Variants in GRIN2A observed in about 807,000 individuals in gnomAD.
The protein encoded by GRIN2A is glutamate receptor ionotropic, NMDA 2A.
GRIN2A carries 22 observed loss-of-function variants against 113.4 expected under a neutral mutation model. That is an observed-to-expected ratio of 0.19 (90% confidence interval 0.14 to 0.28). GRIN2A has a LOEUF of 0.28. GRIN2A is among the 10% of genes least tolerant of loss of function. The pLI is 1.00. For synonymous variants in GRIN2A, 827 were observed against 738.4 expected, an observed-to-expected ratio of 1.12 and a Z score of -1.94; for missense variants, 1,502 against 1,887.0, an observed-to-expected ratio of 0.80 and a Z score of 3.78.
At chr16:10,143,879 T>C (rs2049378263) in intron 2 of GRIN2A, among the ~76,000 whole-genome samples, 1 of 152,062 alleles carries the variant, frequency 6.6e-6, no homozygotes, top group Admixed American at 6.6e-5. Context: ...GGCAGGAGGA[T>C]TGCTTGAGCT....
chr16:9,851,282 A>C (rs35082360), intron 4 of GRIN2A, among the ~76,000 whole-genome samples: 41,612 of 152,096 alleles, frequency 0.27, 5,885 homozygotes, highest in African/African-American at 0.3. Context: ...TTGCTGATAC[A>C]TTTCTTTTTA....
chr16:9,943,334 G>A (rs1004020120), intron 2 of GRIN2A: 2 of 152,242 alleles, frequency 1.3e-5, no homozygotes, highest in Non-Finnish European at 2.9e-5. Flanking sequence ...AACACAGAGC[G>A]AGGGAGGCAG....
At chr16:10,168,431 C>CT (rs35261369) in intron 2 of GRIN2A, among the ~76,000 whole-genome samples, 15 of 152,066 alleles carry the variant, frequency 9.9e-5, no homozygotes, top group Non-Finnish European at 1.3e-4. Flanking sequence ...GCTTGGAGAT[C>CT]TTTTTTTAAA....
chr16:9,793,485 T>A (rs949595610), intron 11 of GRIN2A, among the ~76,000 whole-genome samples: 2 of 152,034 alleles, frequency 1.3e-5, no homozygotes, highest in East Asian at 3.9e-4. Context: ...ATTCTTTAAG[T>A]CCAAGGCTTA....
chr16:9,820,444 G>A (rs139472478), intron 10 of GRIN2A, among the ~76,000 whole-genome samples: 33 of 152,232 alleles, frequency 2.2e-4, no homozygotes, highest in African/African-American at 7.2e-4. Flanking sequence ...TGCAGTCTTC[G>A]GTGTATACCA....
chr16:9,879,600 T>G lies in GRIN2A; in HGVS notation c.1122+11386A>C, dbSNP rs183002875. ...GGCCCTTAAAAAATTTCCCAGATTC[T>G]TGACAATCACCATTTTCCTTTTAAA... is the stretch of plus-strand genomic sequence containing the variant. On this transcript the variant is annotated intron_variant, in intron 4 of 12. Transcript: ENST00000330684. 2.6e-5 allele frequency among the ~76,000 whole-genome samples: 4 copies of G among 152,260 alleles called. No individual in the cohort carries two copies. The East Asian group carries it at 7.7e-4, about 29-fold the overall frequency.
intron 2 of GRIN2A, among the ~76,000 whole-genome samples, chr16:10,174,874 T>C (rs1102972): frequency 0.58 from 87,724 of 150,526 alleles, 26,111 homozygotes; most frequent in Non-Finnish European, 0.65. Flanking sequence ...GGAGAATTGA[T>C]TGAGAAATTA....
intron 2 of GRIN2A, among the ~76,000 whole-genome samples, chr16:10,113,153 T>G (rs2142154074): frequency 6.6e-6 from 1 of 152,112 alleles, no homozygotes; most frequent in Non-Finnish European, 1.5e-5. Context: ...GCCTCAGGTC[T>G]TTCTTGCTGC....
intron 2 of GRIN2A, among the ~76,000 whole-genome samples, chr16:10,122,351 T>G (rs1040663481): frequency 6.6e-6 from 1 of 152,180 alleles, no homozygotes; most frequent in Non-Finnish European, 1.5e-5. Flanking sequence ...GTGAACTCTC[T>G]TTCAGGAGGC....
At chr16:10,047,799 C>T (rs1215473640) in intron 2 of GRIN2A, among the ~76,000 whole-genome samples, 1 of 152,140 alleles carries the variant, frequency 6.6e-6, no homozygotes, top group Non-Finnish European at 1.5e-5. Flanking sequence ...AGTATAAATA[C>T]CTCAGCTCCT....
chr16:9,821,276 A>C (rs1040485786), intron 10 of GRIN2A, among the ~76,000 whole-genome samples: 2 of 152,186 alleles, frequency 1.3e-5, no homozygotes, highest in African/African-American at 4.8e-5. Flanking sequence ...TGTCATTTAA[A>C]ATAAAATCAT....
intron 2 of GRIN2A, among the ~76,000 whole-genome samples, chr16:10,133,470 G>GGTGC (rs1304885169): frequency 1.3e-5 from 2 of 152,284 alleles, no homozygotes; most frequent in East Asian, 3.9e-4. Context: ...AGCCAGGCAC[G>GGTGC]GTGCTGTGCA....
chr16:9,912,164 G>A (rs1378674684), intron 3 of GRIN2A, among the ~76,000 whole-genome samples: 1 of 152,032 alleles, frequency 6.6e-6, no homozygotes, highest in African/African-American at 2.4e-5. Context: ...GGAGAAGGAA[G>A]AAGAAGAATG....
chr16:9,764,526 C>G lies in GRIN2A; in HGVS notation c.3018G>C (p.Ala1006=), dbSNP rs761132463. Residue 1006 remains alanine (A), a synonymous_variant, in exon 13 of 13, where the codon GCG becomes GCC. Coordinates refer to ENST00000330684, the MANE Select transcript of GRIN2A (RefSeq NM_001134407.3). The stretch of plus-strand genomic sequence containing the variant: ...TCCACAGCTGCCGGGGTCTAGAGTT[C>G]GCTTTGGATTCTGTGCTCACGGCCA... ...VEVAVSTESK[A]NSRPRQLWKK... is the part of the protein sequence containing the mutation. 6.2e-7 allele frequency: 1 copy of G among 1,613,968 alleles called. No individual in the cohort carries two copies. The highest frequency in any genetic ancestry group is 2.2e-5 in the East Asian group (1 of 44,856).
chr16:10,174,557 C>T (rs188354695), intron 2 of GRIN2A, among the ~76,000 whole-genome samples: 135 of 152,134 alleles, frequency 8.9e-4, no homozygotes, highest in East Asian at 2.1e-3. Flanking sequence ...ATTTTTTAAT[C>T]TTTGAAGGGA....
At chr16:9,811,464 A>G (rs2042085338) in intron 10 of GRIN2A, among the ~76,000 whole-genome samples, 1 of 152,212 alleles carries the variant, frequency 6.6e-6, no homozygotes, top group African/African-American at 2.4e-5. Flanking sequence ...TCAGCAAGCA[A>G]TAACAAGAGG....
At chr16:9,815,349 T>G (rs2042165779) in intron 10 of GRIN2A, among the ~76,000 whole-genome samples, 1 of 150,706 alleles carries the variant, frequency 6.6e-6, no homozygotes, top group Non-Finnish European at 1.5e-5. Flanking sequence ...TATTTGCAAA[T>G]TGTATATCTG....
chr16:9,757,904 G>A lies in GRIN2A; in HGVS notation c.*5245C>T, dbSNP rs1223227429. On this transcript the variant is annotated 3_prime_UTR_variant, in exon 13 of 13. Transcript: ENST00000330684. The stretch of plus-strand genomic sequence containing the variant: ...AAAAACAAAACAAAACAAAAACCAG[G>A]GCAGCCTTATGGGGATCTCTGGCTC... 1 of 224,870 alleles carries A rather than the reference G, an allele frequency of 4.4e-6. No individual in the cohort carries two copies. The highest frequency in any genetic ancestry group is 8.9e-6 in the Non-Finnish European group (1 of 112,756). 13.9% of individuals were successfully genotyped at this position (224,870 alleles called of 1,614,324 possible).
chr16:9,905,917 A>T (rs1412267268), intron 3 of GRIN2A, among the ~76,000 whole-genome samples: 1 of 152,182 alleles, frequency 6.6e-6, no homozygotes, highest in African/African-American at 2.4e-5. Flanking sequence ...TGACCTTTCC[A>T]AGATTAGTTG....
Sources: gnomAD v4.1 joint callset for allele counts (sites outside exome capture counted in the v4.1 genomes callset) on GRCh38, gnomAD v4.1.1 for gene constraint, MANE v1.5 for transcripts, NCBI Gene and HGNC (gene_info 2026-07-23, HGNC 2026-07-21) for gene names.